Variants in POLA1 observed in about 807,000 individuals in gnomAD.
The protein encoded by POLA1 is DNA polymerase alpha catalytic subunit.
In POLA1, 15 loss-of-function variants were observed where a neutral mutation model predicts 124.0. That is an observed-to-expected ratio of 0.12 (90% CI 0.08 to 0.19). The LOEUF (loss-of-function observed/expected upper bound fraction) is 0.19, where lower values mean the gene tolerates loss of function less well. Among genes scored for constraint, POLA1 ranks in the 10% least tolerant of loss-of-function variants. POLA1 has a pLI of 1.00. For synonymous variants in POLA1, 408 were observed against 389.4 expected (o/e 1.05, Z -0.56); for missense variants, 886 against 1,103.4 (o/e 0.80, Z 2.79).
rs151006118 is a variant in POLA1, at chrX:24,895,113, C to T, written c.4164+6991C>T. ...TAATAAGGCCACATTCATAGGAACTCGGGGTTAGGACTTGAACATATCTTT... is the reference window on the plus strand; with the variant it reads ...TAATAAGGCCACATTCATAGGAACTTGGGGTTAGGACTTGAACATATCTTT... On this transcript the variant is annotated intron_variant, in intron 35 of 36. Coordinates refer to ENST00000379068, the MANE Select transcript of POLA1 (RefSeq NM_001330360.2). Among the ~76,000 whole-genome samples the T allele has an allele frequency of 3.0e-3, 332 of 111,547 alleles. 1 individual carries two copies. The highest frequency in any genetic ancestry group is 0.01 in the African/African-American group (308 of 30,717).
chrX:24,713,147 T>C (rs1273780475), intron 4 of POLA1, among the ~76,000 whole-genome samples: 2 of 110,128 alleles, frequency 1.8e-5, no homozygotes, highest in Non-Finnish European at 3.8e-5. Flanking sequence ...GTATTTTTAG[T>C]AGAGACAGGG....
chrX:24,927,819 A>G (rs761357087), intron 35 of POLA1, among the ~76,000 whole-genome samples: 3 of 112,320 alleles, frequency 2.7e-5, no homozygotes, highest in Admixed American at 9.4e-5. Flanking sequence ...AAGTGTGAGG[A>G]AAAAAACGCT....
At chrX:24,904,316 C>T (rs181377164) in intron 35 of POLA1, among the ~76,000 whole-genome samples, 1 of 110,835 alleles carries the variant, frequency 9.0e-6, no homozygotes, top group Non-Finnish European at 1.9e-5. Flanking sequence ...TGCAGCACAG[C>T]GTAAAACCAA....
chrX:24,751,802 G>A (rs1932336603), intron 26 of POLA1, among the ~76,000 whole-genome samples: 1 of 112,096 alleles, frequency 8.9e-6, no homozygotes, highest in Non-Finnish European at 1.9e-5. Flanking sequence ...GGAGTGAAGT[G>A]AAAATGAGAG....
rs1042129100 is a variant in POLA1 at position 24,927,223 on chromosome X, G to T, written c.4165-3230G>T. Among the ~76,000 whole-genome samples, 6 of 110,752 alleles carry T rather than the reference G, an allele frequency of 5.4e-5. No individual in the cohort carries two copies. In the South Asian group the frequency reaches 2.3e-3, roughly 43 times the overall value. On this transcript the variant is annotated intron_variant, in intron 35 of 36. Transcript: ENST00000379068. ...ATATAGGACCTCATCAGAAATCTCA[G>T]GAGAGAGACTGGATAATATTGATAA...
At chrX:24,709,166 G>T (rs1343216857) in intron 4 of POLA1, among the ~76,000 whole-genome samples, 1 of 75,684 alleles carries the variant, frequency 1.3e-5, no homozygotes. Flanking sequence ...CTCACCTCCC[G>T]GACGGGGCGG....
chrX:24,915,780 G>GCCC (rs2047520936), intron 35 of POLA1, among the ~76,000 whole-genome samples: 1 of 111,852 alleles, frequency 8.9e-6, no homozygotes, highest in Non-Finnish European at 1.9e-5. Flanking sequence ...TCAGGGGGGT[G>GCCC]CATTACTTTA....
Position 24,725,221 on chromosome X carries a change from G to A in POLA1, c.1318-760G>A, listed in dbSNP as rs1196233849. 1.8e-4 allele frequency among the ~76,000 whole-genome samples: 17 copies of A among 94,041 alleles called. No individual in the cohort carries two copies. The Admixed American group carries it at 2.0e-3, about 11-fold the overall frequency. 81.7% of individuals were successfully genotyped at this position (94,041 alleles called of 115,157 possible). On this transcript the variant is annotated intron_variant, in intron 12 of 36. Transcript: ENST00000379068. Reference sequence around the variant, plus strand: ...TTTTTTTTTTTTTTTTTGAGATGGAGTCTTGCTCTGTTGTCCAGGTTGGAG... The same window carrying A: ...TTTTTTTTTTTTTTTTTGAGATGGAATCTTGCTCTGTTGTCCAGGTTGGAG...
intron 26 of POLA1, among the ~76,000 whole-genome samples, chrX:24,807,522 A>G (rs976814938): frequency 1.8e-5 from 2 of 112,063 alleles, no homozygotes; most frequent in Admixed American, 9.4e-5. Context: ...GGGGAGAGTG[A>G]CTGTTTTTTA....
At chrX:24,749,031 A>T (rs1932175207) in intron 26 of POLA1, 39 bp downstream of exon 26, 2 of 1,085,029 alleles carry the variant, frequency 1.8e-6, no homozygotes, top group East Asian at 6.0e-5. Flanking sequence ...TAGATATGAG[A>T]GTATTTTTAA....
intron 34 of POLA1, among the ~76,000 whole-genome samples, chrX:24,847,614 A>G (rs1222854819): frequency 8.9e-6 from 1 of 112,135 alleles, no homozygotes; most frequent in Non-Finnish European, 1.9e-5. Flanking sequence ...AGGGCCAGAA[A>G]TTGGTGGTCT....
chrX:24,807,003 C>CA (rs2045812475), intron 26 of POLA1, among the ~76,000 whole-genome samples: 1 of 111,549 alleles, frequency 9.0e-6, no homozygotes, highest in Non-Finnish European at 1.9e-5. Flanking sequence ...ACCATTTCTG[C>CA]AAAAAAAGAC....
chrX:24,807,198 T>C (rs2045815985), intron 26 of POLA1, among the ~76,000 whole-genome samples: 1 of 112,121 alleles, frequency 8.9e-6, no homozygotes, highest in South Asian at 3.8e-4. Flanking sequence ...TTGGTTCATG[T>C]TGTGAAACAA....
At position 24,963,845 on chromosome X, in the gene POLA1, C is replaced by G. The variant is rs919672213; in HGVS notation, c.4262-31960C>G. On this transcript the variant is annotated intron_variant, in intron 36 of 36. Transcript: ENST00000379068. ...TAGAAATAAGTTATACCTAATTTTT[C>G]CCCCAAACTAATAACTCCCTGCCAG... Among the ~76,000 whole-genome samples the G allele has an allele frequency of 2.7e-5, 3 of 111,628 alleles. No individual in the cohort carries two copies. The East Asian group carries it at 8.4e-4, about 31-fold the overall frequency.
chrX:24,699,764 A>C (rs55958345), intron 2 of POLA1, among the ~76,000 whole-genome samples: 98 of 110,480 alleles, frequency 8.9e-4, no homozygotes, highest in African/African-American at 3.1e-3. Context: ...AGGTATTTTA[A>C]AGATGATTTT....
In POLA1 at chrX:24,733,729, A is replaced by G. The variant is rs1300357555; in HGVS notation, c.1772-26A>G. On this transcript the variant is annotated intron_variant, in intron 16 of 36. Transcript: ENST00000379068. ...AAATTAGACTAAGATGGGTGTTGGAATCTTTATTTTTTTTCCTTTTTACAG... is the reference window on the plus strand; with the variant it reads ...AAATTAGACTAAGATGGGTGTTGGAGTCTTTATTTTTTTTCCTTTTTACAG... 6 of 896,543 alleles carry G rather than the reference A, an allele frequency of 6.7e-6. No homozygotes were observed. The East Asian group carries it at 1.9e-4, about 28-fold the overall frequency. 73.9% of individuals were successfully genotyped at this position (896,543 alleles called of 1,213,427 possible). A position where few individuals can be genotyped will look rare whatever the true frequency, so the allele number is the denominator to read the frequency against.
At chrX:24,971,183 C>G (rs2048297737) in intron 36 of POLA1, among the ~76,000 whole-genome samples, 1 of 112,167 alleles carries the variant, frequency 8.9e-6, no homozygotes, top group African/African-American at 3.2e-5. Context: ...AAATGAGCAC[C>G]ACTTCAGAAG....
At chrX:24,779,172 G>A (rs907777111) in intron 26 of POLA1, among the ~76,000 whole-genome samples, 6 of 109,802 alleles carry the variant, frequency 5.5e-5, no homozygotes, top group African/African-American at 2.0e-4. Context: ...TCTGCCTCCC[G>A]GGTTCAAGCA....
chrX:24,718,098 A>G (rs1432860807), intron 10 of POLA1, among the ~76,000 whole-genome samples: 2 of 111,654 alleles, frequency 1.8e-5, no homozygotes, highest in Non-Finnish European at 3.8e-5. Context: ...TTCACTATTG[A>G]TGTGTCTGAA....
Sources: allele counts gnomAD v4.1 joint callset (sites outside exome capture counted in the v4.1 genomes callset), GRCh38; gene constraint gnomAD v4.1.1; transcripts MANE v1.5; gene names NCBI Gene and HGNC (gene_info 2026-07-23, HGNC 2026-07-21).